MGAT5: variants seen among roughly 807,000 people sequenced by gnomAD.
The protein encoded by MGAT5 is alpha-1,6-mannosylglycoprotein 6-beta-N-acetylglucosaminyltransferase A.
Under a neutral mutation model 94.3 loss-of-function variants are expected in MGAT5, and 30 were observed. The observed-to-expected ratio is 0.32, with a 90% CI of 0.24 to 0.43. MGAT5 has a LOEUF of 0.43. Among genes scored for constraint, MGAT5 ranks in the 20% least tolerant of loss-of-function variants. MGAT5 has a pLI of 1.00. For missense variants in MGAT5, 691 were observed against 905.5 expected, an observed-to-expected ratio of 0.76 and a Z score of 3.04; for synonymous variants, 310 against 322.9, an observed-to-expected ratio of 0.96 and a Z score of 0.43.
rs1478955494 is a variant in MGAT5, at chr2:134,309,961, A to G, written c.407-7568A>G. Reference sequence around the variant, plus strand: ...TTATTTGGCTGAATTGTGATTTGAAATTTTATGACATTATCTTGGCAGTGT... The same window carrying G: ...TTATTTGGCTGAATTGTGATTTGAAGTTTTATGACATTATCTTGGCAGTGT... On this transcript the variant is annotated intron_variant, in intron 2 of 15. Coordinates refer to ENST00000281923, the MANE Select transcript of MGAT5 (RefSeq NM_002410.5). Among the ~76,000 whole-genome samples, 9 of 152,190 alleles carry G rather than the reference A, an allele frequency of 5.9e-5. No homozygotes were observed. The East Asian group carries it at 1.5e-3, about 26-fold the overall frequency.
intron 12 of MGAT5, among the ~76,000 whole-genome samples, chr2:134,420,629 AGAG>A (rs72310104): frequency 0.1 from 15,270 of 152,068 alleles, 1,056 homozygotes; most frequent in African/African-American, 0.19. Context: ...CCTGAGGAAA[AGAG>A]GAGAGCCAGC....
At chr2:134,220,704 TCTC>T (rs1243870999) in intron 1 of MGAT5, among the ~76,000 whole-genome samples, 2 of 152,174 alleles carry the variant, frequency 1.3e-5, no homozygotes, top group African/African-American at 4.8e-5. Flanking sequence ...GGATCAGCCT[TCTC>T]CCCTCCTCAC....
chr2:134,215,231 T>A (rs541925830), intron 1 of MGAT5, among the ~76,000 whole-genome samples: 6 of 152,360 alleles, frequency 3.9e-5, no homozygotes, highest in African/African-American at 1.4e-4. Context: ...TCTGGAAACA[T>A]TCTAGTATAT....
intron 10 of MGAT5, among the ~76,000 whole-genome samples, chr2:134,394,984 T>A (rs1574005403): frequency 6.6e-6 from 1 of 152,248 alleles, no homozygotes; most frequent in African/African-American, 2.4e-5. Flanking sequence ...CTAAACAGTC[T>A]GTTTTCTGTG....
At chr2:134,383,916 G>A (rs546257430) in intron 10 of MGAT5, among the ~76,000 whole-genome samples, 66 of 152,000 alleles carry the variant, frequency 4.3e-4, no homozygotes, top group Non-Finnish European at 9.0e-4. Flanking sequence ...TCCTGACCTC[G>A]TCACCGCCTG....
At chr2:134,401,243 A>G (rs1352672721) in intron 10 of MGAT5, among the ~76,000 whole-genome samples, 1 of 152,180 alleles carries the variant, frequency 6.6e-6, no homozygotes, top group Non-Finnish European at 1.5e-5. Context: ...AAAACTGGCA[A>G]CCAGCTTCCT....
At chr2:134,198,210 C>T (rs1429398230) in intron 1 of MGAT5, among the ~76,000 whole-genome samples, 4 of 152,196 alleles carry the variant, frequency 2.6e-5, no homozygotes, top group Admixed American at 2.0e-4. Context: ...GCTGTGTCTG[C>T]CTCTGCTAGC....
intron 14 of MGAT5, among the ~76,000 whole-genome samples, chr2:134,429,137 G>C (rs1684746595): frequency 6.6e-6 from 1 of 152,172 alleles, no homozygotes; most frequent in Admixed American, 6.5e-5. Flanking sequence ...CCAGAAATAA[G>C]GTGCTCTTCC....
intron 13 of MGAT5, among the ~76,000 whole-genome samples, chr2:134,428,137 C>T (rs1434707230): frequency 2.0e-5 from 3 of 152,246 alleles, no homozygotes; most frequent in African/African-American, 7.2e-5. Context: ...TTTTTCTTAT[C>T]ACCCTTTTAC....
At chr2:134,320,912 T>G (rs929347140) in intron 4 of MGAT5, among the ~76,000 whole-genome samples, 6 of 152,108 alleles carry the variant, frequency 3.9e-5, no homozygotes, top group Admixed American at 2.0e-4. Context: ...CCAACCGGGC[T>G]CCATGATTTT....
intron 1 of MGAT5, among the ~76,000 whole-genome samples, chr2:134,189,602 G>GTTTTTTTTTTTTTTTGTT: frequency 1.2e-5 from 1 of 84,654 alleles, no homozygotes; most frequent in East Asian, 3.3e-4. Flanking sequence ...GTTTTTTTTT[G>GTTTTTTTTTTTTTTTGTT]TTTTTTTTTT....
intron 2 of MGAT5, among the ~76,000 whole-genome samples, chr2:134,295,695 T>C (rs1685633095): frequency 1.3e-5 from 2 of 152,168 alleles, no homozygotes; most frequent in South Asian, 4.1e-4. Context: ...GGAGTTTCTA[T>C]TGGAACCATC....
Position 134,362,528 on chromosome 2 carries a change from A to G in MGAT5, c.1380+120A>G, listed in dbSNP as rs979139231. ...AGGGCTTAATGGGATCTACTTAGAC[A>G]TAAACAAGAATGTGCAAAGATTCAG... On this transcript the variant is annotated intron_variant, in intron 10 of 15. Coordinates refer to ENST00000281923, the MANE Select transcript of MGAT5 (RefSeq NM_002410.5). The G allele has an allele frequency of 1.9e-5, 23 of 1,223,662 alleles. No homozygotes were observed. In the African/African-American group the frequency reaches 3.3e-4, roughly 18 times the overall value. 75.8% of individuals were successfully genotyped at this position (1,223,662 alleles called of 1,614,324 possible).
chr2:134,339,025 C>A (rs2105993019), intron 6 of MGAT5, among the ~76,000 whole-genome samples: 1 of 152,270 alleles, frequency 6.6e-6, no homozygotes, highest in South Asian at 2.1e-4. Flanking sequence ...GATTTCAGAA[C>A]TGAGCAAAGT....
At chr2:134,152,103 C>T (rs1468224933) in intron 1 of MGAT5, among the ~76,000 whole-genome samples, 60 of 146,490 alleles carry the variant, frequency 4.1e-4, no homozygotes, top group African/African-American at 1.4e-3. Flanking sequence ...CTCTGGGACC[C>T]GCCCACCGCC....
chr2:134,422,746 T>G (rs1236502814), intron 12 of MGAT5, 57 bp from the exon 13 acceptor site: 1 of 1,325,962 alleles, frequency 7.5e-7, no homozygotes, highest in East Asian at 2.3e-5. Context: ...GCACTCCATC[T>G]AGCACAGGTT....
intron 11 of MGAT5, among the ~76,000 whole-genome samples, chr2:134,409,219 AATC>A (rs1307860764): frequency 6.6e-6 from 1 of 152,352 alleles, no homozygotes; most frequent in South Asian, 2.1e-4. Flanking sequence ...ACTTGGAATG[AATC>A]CTTTCCATGT....
chr2:134,188,816 C>G (rs1457741661), intron 1 of MGAT5, among the ~76,000 whole-genome samples: 1 of 152,204 alleles, frequency 6.6e-6, no homozygotes, highest in Non-Finnish European at 1.5e-5. Context: ...GTGGGACTTC[C>G]AGGCCATTCA....
intron 1 of MGAT5, among the ~76,000 whole-genome samples, chr2:134,153,744 G>A (rs950945944): frequency 1.3e-5 from 2 of 152,106 alleles, no homozygotes; most frequent in Admixed American, 6.5e-5. Context: ...GAGTCTTACA[G>A]GCCACTCGAG....
Sources: allele counts gnomAD v4.1 joint callset (sites outside exome capture counted in the v4.1 genomes callset), GRCh38; gene constraint gnomAD v4.1.1; transcripts MANE v1.5; gene names NCBI Gene and HGNC (gene_info 2026-07-23, HGNC 2026-07-21).